BNC2: variants seen among roughly 807,000 people sequenced by gnomAD.
The protein encoded by BNC2 is basonuclin zinc finger protein 2, also known as zinc finger protein basonuclin-2.
In BNC2, 20 loss-of-function variants were observed where a neutral mutation model predicts 76.3. That is an observed-to-expected ratio of 0.26 (90% confidence interval 0.18 to 0.38). The LOEUF (loss-of-function observed/expected upper bound fraction) is 0.38. Ranked by LOEUF, BNC2 falls within the 10% of genes least tolerant of loss-of-function variation. The pLI is 1.00. For synonymous variants in BNC2, 582 were observed against 514.8 expected (o/e 1.13, Z -1.77); for missense variants, 1,382 against 1,399.8 (o/e 0.99, Z 0.20).
At chr9:16,504,448 C>T (rs899728008) in intron 5 of BNC2, among the ~76,000 whole-genome samples, 5 of 151,566 alleles carry the variant, frequency 3.3e-5, no homozygotes, top group South Asian at 2.1e-4. Context: ...CTGTGACATA[C>T]TGACTCCCAA....
intron 1 of BNC2, among the ~76,000 whole-genome samples, chr9:16,854,543 C>CT (rs1000865470): frequency 2.0e-4 from 31 of 152,058 alleles, no homozygotes; most frequent in Admixed American, 1.0e-3. Context: ...GTTTCTAAGT[C>CT]TTTTTTTTCT....
intron 5 of BNC2, among the ~76,000 whole-genome samples, chr9:16,535,670 G>C (rs2132287303): frequency 6.6e-6 from 1 of 152,196 alleles, no homozygotes; most frequent in South Asian, 2.1e-4. Flanking sequence ...AGCTTCCTAA[G>C]ACACTAAATC....
At chr9:16,786,748 T>C (rs1369984373) in intron 1 of BNC2, among the ~76,000 whole-genome samples, 1 of 152,082 alleles carries the variant, frequency 6.6e-6, no homozygotes, top group Non-Finnish European at 1.5e-5. Flanking sequence ...ACAGGATGAC[T>C]GTGATACAGG....
At chr9:16,516,987 G>A (rs189787564) in intron 5 of BNC2, among the ~76,000 whole-genome samples, 48 of 152,196 alleles carry the variant, frequency 3.2e-4, no homozygotes, top group Admixed American at 7.2e-4. Flanking sequence ...CTCTGTAAAC[G>A]GCATCCAGGA....
intron 3 of BNC2, among the ~76,000 whole-genome samples, chr9:16,662,765 T>C (rs1822147139): frequency 6.6e-6 from 1 of 152,036 alleles, no homozygotes; most frequent in Non-Finnish European, 1.5e-5. Flanking sequence ...GAAAATATCC[T>C]ACCTAAAACA....
intron 1 of BNC2, among the ~76,000 whole-genome samples, chr9:16,818,627 T>C (rs1456914173): frequency 6.6e-6 from 1 of 152,148 alleles, no homozygotes; most frequent in Non-Finnish European, 1.5e-5. Context: ...GAGTCTCAGT[T>C]TTCTCAAGCA....
intron 1 of BNC2, among the ~76,000 whole-genome samples, chr9:16,784,070 T>A (rs1249124427): frequency 6.6e-6 from 1 of 152,078 alleles, no homozygotes; most frequent in African/African-American, 2.4e-5. Context: ...AGAAAAAAAA[T>A]TCCTATTCAA....
intron 3 of BNC2, among the ~76,000 whole-genome samples, chr9:16,696,408 T>C (rs545363575): frequency 6.6e-6 from 1 of 152,198 alleles, no homozygotes; most frequent in African/African-American, 2.4e-5. Context: ...GCTGCTCTTT[T>C]TGGAATACCC....
chr9:16,598,434 T>A (rs1418624349), intron 3 of BNC2, among the ~76,000 whole-genome samples: 3 of 152,224 alleles, frequency 2.0e-5, no homozygotes, highest in Non-Finnish European at 4.4e-5. Context: ...AGCATGTATT[T>A]ACTAGCAGAA....
intron 1 of BNC2, among the ~76,000 whole-genome samples, chr9:16,773,765 C>T (rs900704598): frequency 6.6e-6 from 1 of 152,090 alleles, no homozygotes; most frequent in African/African-American, 2.4e-5. Flanking sequence ...GTTGCTGTAG[C>T]CTCACCTTTC....
chr9:16,677,694 C>T (rs1822693762), intron 3 of BNC2, among the ~76,000 whole-genome samples: 1 of 152,000 alleles, frequency 6.6e-6, no homozygotes, highest in South Asian at 2.1e-4. Flanking sequence ...ACCTGAATGT[C>T]TTCCTCCTGT....
At chr9:16,507,038 G>C (rs1822644151) in intron 5 of BNC2, among the ~76,000 whole-genome samples, 1 of 152,112 alleles carries the variant, frequency 6.6e-6, no homozygotes, top group South Asian at 2.1e-4. Flanking sequence ...ACAGGCATGA[G>C]CCACCAAGCC....
chr9:16,817,106 A>G (rs1178108653), intron 1 of BNC2, among the ~76,000 whole-genome samples: 1 of 152,156 alleles, frequency 6.6e-6, no homozygotes. Context: ...TAGGCAGAAC[A>G]CTCTGATTCC....
At chr9:16,627,030 GCT>G (rs1821017323) in intron 3 of BNC2, among the ~76,000 whole-genome samples, 1 of 152,142 alleles carries the variant, frequency 6.6e-6, no homozygotes. Context: ...ACCTTTTTAC[GCT>G]CTGTTACACT....
chr9:16,600,632 A>C (rs1820218611), intron 3 of BNC2, among the ~76,000 whole-genome samples: 1 of 152,118 alleles, frequency 6.6e-6, no homozygotes, highest in South Asian at 2.1e-4. Flanking sequence ...ACCTATATTT[A>C]ATATTTCAGT....
chr9:16,640,777 T>C (rs953997436), intron 3 of BNC2, among the ~76,000 whole-genome samples: 2 of 152,126 alleles, frequency 1.3e-5, no homozygotes, highest in African/African-American at 4.8e-5. Flanking sequence ...ACAGACTAGC[T>C]AGGGAAGAGT....
At chr9:16,555,879 G>C (rs1045294468) in intron 4 of BNC2, among the ~76,000 whole-genome samples, 1 of 152,156 alleles carries the variant, frequency 6.6e-6, no homozygotes, top group Admixed American at 6.5e-5. Flanking sequence ...ATAAAGGCCA[G>C]ATATTAAATA....
At chr9:16,766,805 C>T (rs987181187) in intron 1 of BNC2, among the ~76,000 whole-genome samples, 4 of 152,154 alleles carry the variant, frequency 2.6e-5, no homozygotes, top group South Asian at 4.2e-4. Context: ...GGTTACTTTG[C>T]TTTTCCTGAA....
At chr9:16,752,184 A>G (rs1330296) in intron 1 of BNC2, among the ~76,000 whole-genome samples, 130,861 of 152,140 alleles carry the variant, frequency 0.86, 56,688 homozygotes, top group Non-Finnish European at 0.91. Flanking sequence ...ATTTCAGATG[A>G]TAAGCTGTTT....
Sources: gnomAD v4.1 joint callset for allele counts (sites outside exome capture counted in the v4.1 genomes callset) on GRCh38, gnomAD v4.1.1 for gene constraint, MANE v1.5 for transcripts, NCBI Gene and HGNC (gene_info 2026-07-23, HGNC 2026-07-21) for gene names.